The following DEFB121 variants were observed in gnomAD, a reference collection of about 807,000 sequenced individuals.
The protein encoded by DEFB121 is defensin beta 121, also known as beta-defensin 121.
DEFB121 carries 5 observed loss-of-function variants against 2.5 expected under a neutral mutation model. The ratio of observed to expected loss-of-function variants is 1.96; its 90% CI spans 1.03 to 4.13. The LOEUF (loss-of-function observed/expected upper bound fraction) is 4.13, where lower values mean the gene tolerates loss of function less well. Among genes scored for constraint, DEFB121 ranks in the 30% most tolerant of loss-of-function variants. The probability of loss-of-function intolerance (pLI) is 0.00; values close to 1 mark genes in which losing one functional copy is unlikely to be tolerated. For synonymous variants in DEFB121, 39 were observed against 32.6 expected (o/e 1.20, Z -0.67); for missense variants, 87 against 85.0 (o/e 1.02, Z -0.09).
chr20:31,406,370 C>T (rs113870794), upstream of DEFB121: 89 of 1,023,446 alleles, frequency 8.7e-5, no homozygotes, highest in Non-Finnish European at 1.0e-4. Context: ...GGGGAAGGGA[C>T]GTTAACAAAG....
Position 31,404,898 on chromosome 20 carries a change from G to T in DEFB121, c.*15C>A, listed in dbSNP as rs1229908368. On this transcript the variant is annotated 3_prime_UTR_variant, in exon 2 of 2. Coordinates refer to ENST00000376314, the MANE Select transcript of DEFB121 (RefSeq NM_001011878.3). ...GGATCCCATGATGTTGAGACTCAAG[G>T]TTGGAAGAGAGGTGTCAGACTGCAG... 1.2e-5 allele frequency: 19 copies of T among 1,612,838 alleles called. No individual in the cohort carries two copies. Among genetic ancestry groups the T allele is most frequent in the Non-Finnish European group, 1.6e-5 (19 of 1,179,748 alleles).
At chr20:31,406,322 G>A (rs1161861412), upstream of DEFB121, 5 of 1,389,202 alleles carry the variant, frequency 3.6e-6, no homozygotes, top group Non-Finnish European at 4.7e-6. Context: ...GGCAGGCAAG[G>A]AAGGTATCAA....
upstream of DEFB121, among the ~76,000 whole-genome samples, chr20:31,413,204 A>G (rs1007023490): frequency 5.3e-5 from 8 of 152,222 alleles, no homozygotes; most frequent in African/African-American, 1.9e-4. Context: ...ATGAGGCCAG[A>G]AATGTTCAAG....
chr20:31,405,952 T>G, intron 1 of DEFB121, 143 bp downstream of exon 1: 1 of 842,084 alleles, frequency 1.2e-6, no homozygotes, highest in African/African-American at 1.7e-5. Context: ...AACTCAAACT[T>G]CCCCATAACT....
chr20:31,417,240 G>A (rs1007879455), upstream of DEFB121, among the ~76,000 whole-genome samples: 19 of 152,106 alleles, frequency 1.2e-4, no homozygotes, highest in African/African-American at 4.3e-4. Context: ...AGGTACTTGG[G>A]AGGCTGAGGC....
At chr20:31,410,145 G>A (rs1039603314), upstream of DEFB121, among the ~76,000 whole-genome samples, 2 of 152,164 alleles carry the variant, frequency 1.3e-5, no homozygotes, top group Non-Finnish European at 2.9e-5. Context: ...CACATTTAAT[G>A]TGGTACACAT....
upstream of DEFB121, chr20:31,406,330 C>A: frequency 7.5e-7 from 1 of 1,340,442 alleles, no homozygotes; most frequent in Non-Finnish European, 9.6e-7. Flanking sequence ...AGGAAGGTAT[C>A]AACCACACTG....
At chr20:31,413,184 G>T (rs551038870), upstream of DEFB121, among the ~76,000 whole-genome samples, 7 of 152,216 alleles carry the variant, frequency 4.6e-5, no homozygotes, top group Non-Finnish European at 1.0e-4. Flanking sequence ...AAGGACAAAG[G>T]TGCGGGGAGA....
Position 31,404,896 on chromosome 20 carries a change from A to G in DEFB121, c.*17T>C. ...CAGGATCCCATGATGTTGAGACTCA[A>G]GGTTGGAAGAGAGGTGTCAGACTGC... On this transcript the variant is annotated 3_prime_UTR_variant, in exon 2 of 2. Transcript: ENST00000376314. 2 of 1,612,290 alleles carry G rather than the reference A, an allele frequency of 1.2e-6. No homozygotes were observed. Among genetic ancestry groups the G allele is most frequent in the South Asian group, 1.1e-5 (1 of 90,474 alleles).
chr20:31,410,009 A>C (rs1978612794), upstream of DEFB121, among the ~76,000 whole-genome samples: 1 of 152,174 alleles, frequency 6.6e-6, no homozygotes, highest in Non-Finnish European at 1.5e-5. Flanking sequence ...ATTCATCAAA[A>C]TTTACACATT....
In DEFB121 at chr20:31,404,918, C is replaced by G; in HGVS notation, c.226G>C (p.Val76Leu). The G allele has an allele frequency of 1.9e-6, 3 of 1,613,890 alleles. No homozygotes were observed. Among genetic ancestry groups the G allele is most frequent in the Non-Finnish European group, 2.5e-6 (3 of 1,179,980 alleles). ...TCAAGGTTGGAAGAGAGGTGTCAGA[C>G]TGCAGAAGTTGATTCCAGGCTTGTA... ...TNTSLESTSAV is the reference protein window; with the variant it reads ...TNTSLESTSAL The change falls in exon 2 of 2, where the codon GTC (valine) becomes CTC (leucine). Residue 76 changes from valine to leucine, a missense_variant. Physicochemically the swap from Val to Leu is conservative, Grantham distance 32 (BLOSUM62 1). Transcript: ENST00000376314.
chr20:31,412,373 T>C (rs1367422623), intron 1 of DEFB121, among the ~76,000 whole-genome samples: 2 of 152,180 alleles, frequency 1.3e-5, no homozygotes, highest in Non-Finnish European at 2.9e-5. Context: ...GAATACAAGA[T>C]TTGGAGCCAG....
chr20:31,411,651 T>C (rs1311593437), intron 1 of DEFB121, among the ~76,000 whole-genome samples: 1 of 151,086 alleles, frequency 6.6e-6, no homozygotes, highest in South Asian at 2.1e-4. Context: ...AATCTGCAAA[T>C]GGTACATTAG....
chr20:31,405,598 T>G (rs1978451666), intron 1 of DEFB121, among the ~76,000 whole-genome samples: 1 of 152,154 alleles, frequency 6.6e-6, no homozygotes, highest in Non-Finnish European at 1.5e-5. Context: ...GGGACTTTTC[T>G]CTGGCCCCAA....
chr20:31,414,854 C>G (rs1310508567), upstream of DEFB121, among the ~76,000 whole-genome samples: 10 of 152,278 alleles, frequency 6.6e-5, no homozygotes, highest in East Asian at 1.9e-3. Flanking sequence ...AGTTCAAGAC[C>G]AGCCTAAGCA....
rs556293260 is a variant in DEFB121 at position 31,406,170 on chromosome 20, G to A, written c.-18C>T. 5.6e-6 allele frequency: 9 copies of A among 1,613,874 alleles called. No homozygotes were observed. In the East Asian group the frequency reaches 1.3e-4, roughly 24 times the overall value. Reference sequence around the variant, plus strand: ...AGCTTCATGAATGATGAATGATCAGGGAGGGATAGGAGGCTTCTCAACTGG... The same window carrying A: ...AGCTTCATGAATGATGAATGATCAGAGAGGGATAGGAGGCTTCTCAACTGG... On this transcript the variant is annotated 5_prime_UTR_variant, in exon 1 of 2. Transcript: ENST00000376314.
At chr20:31,417,065 G>C (rs1416379529), upstream of DEFB121, among the ~76,000 whole-genome samples, 1 of 152,130 alleles carries the variant, frequency 6.6e-6, no homozygotes, top group Non-Finnish European at 1.5e-5. Context: ...AAGAAAGAAG[G>C]CCGGGCGCAA....
At chr20:31,405,194 T>C in intron 1 of DEFB121, 109 bp from the exon 2 acceptor site, 1 of 1,066,340 alleles carries the variant, frequency 9.4e-7, no homozygotes, top group Non-Finnish European at 1.3e-6. Context: ...AATGAGGAGG[T>C]CTGTGGGGAA....
chr20:31,406,376 C>T, upstream of DEFB121: 1 of 957,740 alleles, frequency 1.0e-6, no homozygotes, highest in Non-Finnish European at 1.4e-6. Flanking sequence ...GGGACGTTAA[C>T]AAAGAGAAGA....
Sources: allele counts gnomAD v4.1 joint callset (sites outside exome capture counted in the v4.1 genomes callset), GRCh38; gene constraint gnomAD v4.1.1; transcripts MANE v1.5; gene names NCBI Gene and HGNC (gene_info 2026-07-23, HGNC 2026-07-21).